The following PRKG1 variants were observed in gnomAD, a reference collection of about 807,000 sequenced individuals.
PRKG1 encodes cGMP-dependent protein kinase 1.
Under a neutral mutation model 88.1 loss-of-function variants are expected in PRKG1, and 35 were observed. The ratio of observed to expected loss-of-function variants is 0.40; its 90% CI spans 0.30 to 0.53. The LOEUF is 0.53. PRKG1 is among the 20% of genes least tolerant of loss of function. The probability of loss-of-function intolerance (pLI) is 0.59; values close to 1 mark genes in which losing one functional copy is unlikely to be tolerated. For synonymous variants in PRKG1, 303 were observed against 292.5 expected (o/e 1.04, Z -0.37); for missense variants, 540 against 839.8 (o/e 0.64, Z 4.41).
At chr10:51,396,682 G>A (rs113499476) in intron 2 of PRKG1, among the ~76,000 whole-genome samples, 1,971 of 152,314 alleles carry the variant, frequency 0.013, 10 homozygotes, top group Non-Finnish European at 0.018. Context: ...GCTGAAAAAC[G>A]GGAAAGTAAC....
intron 2 of PRKG1, among the ~76,000 whole-genome samples, chr10:51,327,277 C>A (rs1841616048): frequency 6.6e-6 from 1 of 151,714 alleles, no homozygotes; most frequent in African/African-American, 2.4e-5. Flanking sequence ...GTTAGCCAGT[C>A]CTGGTGGTGT....
At chr10:51,560,708 AATTG>A (rs1295899651) in intron 3 of PRKG1, among the ~76,000 whole-genome samples, 2 of 152,034 alleles carry the variant, frequency 1.3e-5, no homozygotes, top group Non-Finnish European at 2.9e-5. Flanking sequence ...ATATATAATT[AATTG>A]ATTGTTTCTC....
At chr10:51,012,222 A>G (rs184987062) in intron 1 of PRKG1, among the ~76,000 whole-genome samples, 1 of 152,356 alleles carries the variant, frequency 6.6e-6, no homozygotes, top group Admixed American at 6.5e-5. Flanking sequence ...TTTCCAGCTC[A>G]GGGTAAGGAG....
intron 2 of PRKG1, among the ~76,000 whole-genome samples, chr10:51,177,102 G>C (rs778067064): frequency 1.6e-4 from 25 of 152,120 alleles, no homozygotes; most frequent in Non-Finnish European, 2.9e-4. Context: ...AACATTCTAA[G>C]AATAACTGAG....
At chr10:52,150,415 C>A (rs1029640998) in intron 8 of PRKG1, among the ~76,000 whole-genome samples, 1 of 151,942 alleles carries the variant, frequency 6.6e-6, no homozygotes, top group African/African-American at 2.4e-5. Context: ...ATTTTCTTAG[C>A]CTTGATCACC....
At chr10:51,024,263 G>GT (rs965533262) in intron 1 of PRKG1, among the ~76,000 whole-genome samples, 1 of 151,796 alleles carries the variant, frequency 6.6e-6, no homozygotes, top group Non-Finnish European at 1.5e-5. Context: ...AATCACTACG[G>GT]TTTTTTTTAC....
intron 9 of PRKG1, among the ~76,000 whole-genome samples, chr10:52,197,914 G>A (rs1839550433): frequency 6.6e-6 from 1 of 152,040 alleles, no homozygotes; most frequent in Non-Finnish European, 1.5e-5. Context: ...TGGTCACTAG[G>A]GTACCATTTA....
intron 4 of PRKG1, among the ~76,000 whole-genome samples, chr10:51,808,071 A>G (rs1284683804): frequency 6.6e-6 from 1 of 152,176 alleles, no homozygotes; most frequent in East Asian, 1.9e-4. Context: ...AGATGGCATA[A>G]TAGCCTCAAT....
intron 5 of PRKG1, among the ~76,000 whole-genome samples, chr10:51,983,461 A>G (rs952335396): frequency 1.3e-5 from 2 of 152,154 alleles, no homozygotes; most frequent in African/African-American, 4.8e-5. Context: ...CTGAGGCTGC[A>G]CTGTAAGCAG....
At chr10:51,328,515 T>A (rs1213888053) in intron 2 of PRKG1, among the ~76,000 whole-genome samples, 3 of 152,224 alleles carry the variant, frequency 2.0e-5, no homozygotes, top group Non-Finnish European at 4.4e-5. Context: ...TATATTGGTA[T>A]ATAAGTGTAT....
intron 3 of PRKG1, among the ~76,000 whole-genome samples, chr10:51,777,622 T>C: frequency 6.6e-6 from 1 of 152,128 alleles, no homozygotes; most frequent in Non-Finnish European, 1.5e-5. Context: ...GACACATCAT[T>C]ATTGCCAAGA....
At chr10:51,685,344 C>T (rs1840960740) in intron 3 of PRKG1, among the ~76,000 whole-genome samples, 1 of 152,174 alleles carries the variant, frequency 6.6e-6, no homozygotes, top group Admixed American at 6.5e-5. Context: ...TGTCAAATGC[C>T]TGGCATTTCG....
At chr10:51,123,579 G>A (rs1466869987) in intron 1 of PRKG1, among the ~76,000 whole-genome samples, 2 of 151,884 alleles carry the variant, frequency 1.3e-5, no homozygotes, top group Non-Finnish European at 2.9e-5. Context: ...CCAGCTACTC[G>A]GGTGGCTGAG....
rs1398899624 is a variant in PRKG1 at position 52,034,757 on chromosome 10, C to T, written c.763-19727C>T. On this transcript the variant is annotated intron_variant, in intron 5 of 17. Coordinates refer to ENST00000373980, the MANE Select transcript of PRKG1 (RefSeq NM_006258.4). The stretch of plus-strand genomic sequence containing the variant: ...AATGGTGAATAGGAGTATGACTAGA[C>T]AGAAGATAGTAGGGATGACAAGTTT... 2.6e-5 allele frequency among the ~76,000 whole-genome samples: 4 copies of T among 151,934 alleles called. No individual in the cohort carries two copies. The East Asian group carries it at 7.8e-4, about 29-fold the overall frequency.
At chr10:51,060,296 T>G (rs1843678826) in intron 1 of PRKG1, among the ~76,000 whole-genome samples, 1 of 152,110 alleles carries the variant, frequency 6.6e-6, no homozygotes, top group Admixed American at 6.5e-5. Flanking sequence ...TACTAATACA[T>G]TTTGATCTGT....
At chr10:51,558,027 T>C (rs1837356834) in intron 3 of PRKG1, among the ~76,000 whole-genome samples, 1 of 152,142 alleles carries the variant, frequency 6.6e-6, no homozygotes, top group African/African-American at 2.4e-5. Flanking sequence ...TGTACATTTG[T>C]ACTGAAAATA....
Position 51,274,002 on chromosome 10 carries a change from G to A in PRKG1, c.478+120672G>A, listed in dbSNP as rs184049319. On this transcript the variant is annotated intron_variant, in intron 2 of 17. Transcript: ENST00000373980. ...CAAGCCTCCATGAGCTTTGGCATTT[G>A]CATCTATTAATAATGCAGGTTTCTT... 3.9e-4 allele frequency among the ~76,000 whole-genome samples: 59 copies of A among 152,308 alleles called. 1 individual carries two copies. Among genetic ancestry groups the A allele is most frequent in the African/African-American group, 1.3e-3 (56 of 41,572 alleles).
intron 5 of PRKG1, among the ~76,000 whole-genome samples, chr10:51,941,346 T>C (rs866701264): frequency 1.2e-4 from 18 of 152,064 alleles, no homozygotes; most frequent in African/African-American, 3.6e-4. Flanking sequence ...TATCCTCTCA[T>C]GTACAATATT....
At chr10:52,071,610 C>T (rs889763396) in intron 7 of PRKG1, among the ~76,000 whole-genome samples, 2 of 140,818 alleles carry the variant, frequency 1.4e-5, no homozygotes, top group Non-Finnish European at 3.0e-5. Context: ...TTGTCACTTC[C>T]ACCAACTTTC....
Sources: allele counts gnomAD v4.1 joint callset (sites outside exome capture counted in the v4.1 genomes callset), GRCh38; gene constraint gnomAD v4.1.1; transcripts MANE v1.5; gene names NCBI Gene and HGNC (gene_info 2026-07-23, HGNC 2026-07-21).